Variants in CCDC171 observed in about 807,000 individuals in gnomAD.
CCDC171 encodes coiled-coil domain containing 171.
In CCDC171, 177 loss-of-function variants were observed where a neutral mutation model predicts 168.2. The ratio of observed to expected loss-of-function variants is 1.05; its 90% CI spans 0.93 to 1.19. CCDC171 has a LOEUF of 1.19. Ranked by LOEUF, CCDC171 falls within the 50% of genes most tolerant of loss-of-function variation. The probability of loss-of-function intolerance (pLI) is 0.00; values close to 1 mark genes in which losing one functional copy is unlikely to be tolerated. For synonymous variants in CCDC171, 687 were observed against 540.8 expected (o/e 1.27, Z -3.75); for missense variants, 1,991 against 1,539.0 (o/e 1.29, Z -4.91).
At chr9:15,639,703 C>T (rs1450376230) in intron 7 of CCDC171, among the ~76,000 whole-genome samples, 1 of 152,084 alleles carries the variant, frequency 6.6e-6, no homozygotes, top group South Asian at 2.1e-4. Flanking sequence ...GAATTTTCTA[C>T]CTTCAGAACT....
chr9:15,939,364 A>G (rs1019618116), intron 25 of CCDC171, among the ~76,000 whole-genome samples: 2 of 151,816 alleles, frequency 1.3e-5, no homozygotes, highest in African/African-American at 2.4e-5. Context: ...TAAAAAAAAG[A>G]AAAGAAAACC....
rs963735995 is a variant in CCDC171, at chr9:15,865,846, G to A, written c.3469-8686G>A. Among the ~76,000 whole-genome samples, 8 of 50,006 alleles carry A rather than the reference G, an allele frequency of 1.6e-4. No homozygotes were observed. In the East Asian group the frequency reaches 5.0e-3, roughly 31 times the overall value. 32.8% of individuals were successfully genotyped at this position (50,006 alleles called of 152,430 possible). A position where few individuals can be genotyped will look rare whatever the true frequency, so the allele number is the denominator to read the frequency against. On this transcript the variant is annotated intron_variant, in intron 23 of 25. Transcript: ENST00000380701. ...CATGTTGTTCAAAGTTCAACTCTGC[G>A]TGCGTGTGTGTGTGTGTGTGTGTGT...
chr9:15,908,227 T>A (rs1277977124), intron 24 of CCDC171, among the ~76,000 whole-genome samples: 1 of 152,182 alleles, frequency 6.6e-6, no homozygotes, highest in African/African-American at 2.4e-5. Flanking sequence ...GTGGCACTAT[T>A]CACGATAGCA....
At chr9:15,629,474 A>G (rs904404807) in intron 7 of CCDC171, among the ~76,000 whole-genome samples, 9 of 152,214 alleles carry the variant, frequency 5.9e-5, no homozygotes, top group African/African-American at 2.2e-4. Context: ...GGAAGTTTAG[A>G]GAAAAAAGAA....
intron 6 of CCDC171, among the ~76,000 whole-genome samples, chr9:16,034,854 A>G (rs1485973476): frequency 1.3e-5 from 2 of 152,092 alleles, no homozygotes; most frequent in East Asian, 3.8e-4. Context: ...TTTGGTTTTC[A>G]AATTTTCTGG....
chr9:15,588,908 C>A (rs1215017349), intron 4 of CCDC171, among the ~76,000 whole-genome samples: 14 of 151,890 alleles, frequency 9.2e-5, no homozygotes, highest in Admixed American at 9.2e-4. Context: ...GATGGGGTTT[C>A]ACCGTGTTAG....
intron 24 of CCDC171, among the ~76,000 whole-genome samples, chr9:15,883,716 A>G (rs981252517): frequency 1.3e-5 from 2 of 152,224 alleles, no homozygotes; most frequent in African/African-American, 2.4e-5. Context: ...AGCTTAATGT[A>G]TGTATGAATT....
the CCDC171 span, among the ~76,000 whole-genome samples, chr9:16,073,722 C>T: frequency 6.6e-6 from 1 of 152,184 alleles, no homozygotes; most frequent in Non-Finnish European, 1.5e-5. Context: ...TTGAGAGAGG[C>T]CCCATGTCAG....
At chr9:15,756,476 C>T (rs1436088316) in intron 18 of CCDC171, among the ~76,000 whole-genome samples, 2 of 152,048 alleles carry the variant, frequency 1.3e-5, no homozygotes, top group South Asian at 4.1e-4. Flanking sequence ...ACGAATGATT[C>T]TGTCACCCAG....
intron 11 of CCDC171, among the ~76,000 whole-genome samples, chr9:15,720,942 G>T (rs935765605): frequency 6.6e-6 from 1 of 152,090 alleles, no homozygotes; most frequent in Non-Finnish European, 1.5e-5. Flanking sequence ...TGCAGTGTTT[G>T]GTTTTTTGTC....
At chr9:15,837,683 C>G (rs990663092) in intron 21 of CCDC171, among the ~76,000 whole-genome samples, 1 of 152,102 alleles carries the variant, frequency 6.6e-6, no homozygotes, top group African/African-American at 2.4e-5. Flanking sequence ...TAGTTGTGAG[C>G]CTTCATCTTT....
chr9:15,653,304 T>C (rs2047672871), intron 7 of CCDC171, among the ~76,000 whole-genome samples: 1 of 151,960 alleles, frequency 6.6e-6, no homozygotes, highest in African/African-American at 2.4e-5. Flanking sequence ...CATGCCTGGC[T>C]AATTTTTGAA....
intron 8 of CCDC171, among the ~76,000 whole-genome samples, chr9:15,661,802 C>A (rs527898539): frequency 1.3e-5 from 2 of 152,092 alleles, no homozygotes; most frequent in African/African-American, 2.4e-5. Context: ...ATTGAGTGTG[C>A]TTATTTTCTA....
chr9:15,749,025 T>G (rs1376547442), intron 18 of CCDC171, among the ~76,000 whole-genome samples: 1 of 151,924 alleles, frequency 6.6e-6, no homozygotes, highest in Non-Finnish European at 1.5e-5. Flanking sequence ...GACTGGTAAA[T>G]TGGATAAAGA....
intron 25 of CCDC171, among the ~76,000 whole-genome samples, chr9:15,960,195 T>C (rs1830208565): frequency 6.6e-6 from 1 of 152,210 alleles, no homozygotes. Context: ...ATAGCAATTA[T>C]GTGGTTTCAT....
intron 18 of CCDC171, among the ~76,000 whole-genome samples, chr9:15,763,210 A>T (rs2056544375): frequency 6.6e-6 from 1 of 152,218 alleles, no homozygotes. Flanking sequence ...TGTCCTCAGG[A>T]TGTGTTACCT....
At chr9:15,694,067 G>T (rs1048282186) in intron 10 of CCDC171, among the ~76,000 whole-genome samples, 8 of 152,134 alleles carry the variant, frequency 5.3e-5, no homozygotes, top group African/African-American at 1.9e-4. Context: ...GCTTCAATTG[G>T]CATGATTGAC....
intron 18 of CCDC171, among the ~76,000 whole-genome samples, chr9:15,754,384 A>G (rs768265675): frequency 6.6e-6 from 1 of 152,064 alleles, no homozygotes; most frequent in African/African-American, 2.4e-5. Context: ...TTCCTCCTGG[A>G]TGTTCCAAGG....
At chr9:15,710,175 A>G (rs1478925701) in intron 11 of CCDC171, among the ~76,000 whole-genome samples, 3 of 152,236 alleles carry the variant, frequency 2.0e-5, no homozygotes, top group Non-Finnish European at 4.4e-5. Context: ...TCTTAGTGTC[A>G]TAAATTTCAA....
Sources: allele counts gnomAD v4.1 joint callset (sites outside exome capture counted in the v4.1 genomes callset), GRCh38; gene constraint gnomAD v4.1.1; transcripts MANE v1.5; gene names NCBI Gene and HGNC (gene_info 2026-07-23, HGNC 2026-07-21).